GNA12: variants seen among roughly 807,000 people sequenced by gnomAD.
GNA12 encodes G protein subunit alpha 12, also known as guanine nucleotide-binding protein subunit alpha-12.
Under a neutral mutation model 26.0 loss-of-function variants are expected in GNA12, and 9 were observed. The observed-to-expected ratio is 0.35, with a 90% CI of 0.21 to 0.60. The LOEUF is 0.60. GNA12 is among the 20% of genes least tolerant of loss of function. GNA12 has a pLI of 0.78. For missense variants in GNA12, 405 were observed against 525.8 expected (o/e 0.77, Z 2.25); for synonymous variants, 264 against 219.6 (o/e 1.20, Z -1.79).
intron 2 of GNA12, among the ~76,000 whole-genome samples, chr7:2,786,805 G>T (rs1240211533): frequency 6.6e-6 from 1 of 152,156 alleles, no homozygotes; most frequent in Non-Finnish European, 1.5e-5. Context: ...CCCCATTCAA[G>T]ATGGCGACTC....
intron 2 of GNA12, among the ~76,000 whole-genome samples, chr7:2,748,396 A>G (rs1435847514): frequency 6.6e-6 from 1 of 152,240 alleles, no homozygotes; most frequent in East Asian, 1.9e-4. Context: ...CCTGACAGAA[A>G]CAAGCAATGG....
intron 1 of GNA12, among the ~76,000 whole-genome samples, chr7:2,842,102 G>A (rs1413876307): frequency 1.2e-5 from 1 of 84,560 alleles, no homozygotes; most frequent in Non-Finnish European, 2.9e-5. Context: ...AGGAAGGAAA[G>A]GAAGGAAGGG....
At chr7:2,783,262 G>C (rs957887632) in intron 2 of GNA12, among the ~76,000 whole-genome samples, 2 of 152,154 alleles carry the variant, frequency 1.3e-5, no homozygotes, top group Non-Finnish European at 2.9e-5. Flanking sequence ...CAGGCACTTG[G>C]GTATGTTATC....
intron 1 of GNA12, among the ~76,000 whole-genome samples, chr7:2,808,941 T>C (rs1793013667): frequency 1.3e-5 from 2 of 152,354 alleles, no homozygotes; most frequent in South Asian, 4.1e-4. Context: ...TTCTGGTTCC[T>C]GACAACTGAA....
chr7:2,761,455 A>T (rs992924234), intron 2 of GNA12, among the ~76,000 whole-genome samples: 1 of 152,234 alleles, frequency 6.6e-6, no homozygotes, highest in Non-Finnish European at 1.5e-5. Context: ...TCAGAAGCCT[A>T]GTACAAATAA....
intron 1 of GNA12, among the ~76,000 whole-genome samples, chr7:2,806,412 A>G (rs761988766): frequency 5.6e-5 from 8 of 144,070 alleles, no homozygotes; most frequent in Non-Finnish European, 7.5e-5. Flanking sequence ...CTGAGATTGC[A>G]CCACTGCAGC....
rs112171880 is a variant in GNA12, at chr7:2,730,972, C to T, written c.*209G>A. 2.2e-3 allele frequency: 1,186 copies of T among 535,708 alleles called. 14 individuals carry two copies. The highest frequency in any genetic ancestry group is 0.019 in the African/African-American group (1,020 of 53,268). The allele number at this position is 535,708 out of a possible 1,614,324, so 33.2% of individuals were successfully genotyped here. A position where few individuals can be genotyped will look rare whatever the true frequency, so the allele number is the denominator to read the frequency against. ...TCGGATTTTCAGTAGTTTCACTCGC[C>T]CCCAGGATTCAGTAGCTAACGTGAC... On this transcript the variant is annotated 3_prime_UTR_variant, in exon 4 of 4. Transcript: ENST00000275364.
At chr7:2,767,790 C>G (rs1324466131) in intron 2 of GNA12, among the ~76,000 whole-genome samples, 1 of 152,184 alleles carries the variant, frequency 6.6e-6, no homozygotes, top group African/African-American at 2.4e-5. Context: ...TAAATAAAAT[C>G]TGAGAATATT....
chr7:2,733,132 C>T (rs1419915436), intron 3 of GNA12, among the ~76,000 whole-genome samples: 1 of 152,140 alleles, frequency 6.6e-6, no homozygotes, highest in Non-Finnish European at 1.5e-5. Flanking sequence ...AACTGCCATG[C>T]CTGGGGTTTC....
At chr7:2,793,956 A>G (rs1487696348) in intron 2 of GNA12, among the ~76,000 whole-genome samples, 2 of 152,142 alleles carry the variant, frequency 1.3e-5, no homozygotes, top group African/African-American at 2.4e-5. Flanking sequence ...AAGTACCTCA[A>G]TGAAAGAAGG....
chr7:2,805,206 G>C (rs768165527), intron 1 of GNA12, among the ~76,000 whole-genome samples: 3 of 152,200 alleles, frequency 2.0e-5, no homozygotes, highest in Non-Finnish European at 4.4e-5. Context: ...GCTTCAGAGA[G>C]GCCATAACAA....
At chr7:2,805,279 A>G (rs1410863052) in intron 1 of GNA12, among the ~76,000 whole-genome samples, 1 of 152,270 alleles carries the variant, frequency 6.6e-6, no homozygotes, top group African/African-American at 2.4e-5. Flanking sequence ...CTCACTGTCC[A>G]TTAGCTCATT....
At chr7:2,756,275 G>A (rs905247131) in intron 2 of GNA12, among the ~76,000 whole-genome samples, 5 of 152,034 alleles carry the variant, frequency 3.3e-5, no homozygotes, top group Non-Finnish European at 7.4e-5. Context: ...TCATTTGGAG[G>A]ATCAGAAAAT....
chr7:2,754,999 C>T (rs983499334), intron 2 of GNA12, among the ~76,000 whole-genome samples: 1 of 152,164 alleles, frequency 6.6e-6, no homozygotes, highest in Non-Finnish European at 1.5e-5. Context: ...TTTTTCTTCC[C>T]TACAGAGACA....
intron 2 of GNA12, chr7:2,794,599 T>TGG (rs1358091723): frequency 3.3e-6 from 1 of 302,940 alleles, no homozygotes. Flanking sequence ...GAAGCTGTTG[T>TGG]GGGGGGTGTT....
chr7:2,747,118 T>G (rs1391971580), intron 2 of GNA12, among the ~76,000 whole-genome samples: 1 of 152,222 alleles, frequency 6.6e-6, no homozygotes, highest in African/African-American at 2.4e-5. Flanking sequence ...CCATTCCTTC[T>G]GAAACTATTC....
intron 2 of GNA12, among the ~76,000 whole-genome samples, chr7:2,791,610 T>G (rs183646880): frequency 6.6e-6 from 1 of 152,274 alleles, no homozygotes; most frequent in East Asian, 1.9e-4. Flanking sequence ...TCACAGGGAC[T>G]GTCAAATGCT....
At chr7:2,743,893 G>A (rs1454840071) in intron 2 of GNA12, among the ~76,000 whole-genome samples, 1 of 151,984 alleles carries the variant, frequency 6.6e-6, no homozygotes, top group Non-Finnish European at 1.5e-5. Flanking sequence ...GGCTCGGAGG[G>A]TCCTACACCC....
chr7:2,794,038 C>A (rs1474775117), intron 2 of GNA12, among the ~76,000 whole-genome samples: 1 of 152,136 alleles, frequency 6.6e-6, no homozygotes, highest in African/African-American at 2.4e-5. Context: ...TGCTATGTGC[C>A]TCGCCTGATG....
Sources: allele counts gnomAD v4.1 joint callset (sites outside exome capture counted in the v4.1 genomes callset), GRCh38; gene constraint gnomAD v4.1.1; transcripts MANE v1.5; gene names NCBI Gene and HGNC (gene_info 2026-07-23, HGNC 2026-07-21).